Variants in OSMR observed in about 807,000 individuals in gnomAD.
OSMR encodes the protein oncostatin-M-specific receptor subunit beta.
OSMR carries 81 observed loss-of-function variants against 99.9 expected under a neutral mutation model. The ratio of observed to expected loss-of-function variants is 0.81; its 90% CI spans 0.68 to 0.97. OSMR has a LOEUF of 0.97. OSMR is among the 50% of genes least tolerant of loss of function. The pLI is 0.00. For synonymous variants in OSMR, 406 were observed against 410.4 expected (o/e 0.99, Z 0.13); for missense variants, 1,099 against 1,153.4 (o/e 0.95, Z 0.68).
chr5:38,893,725 A>G (rs1744307247), intron 7 of OSMR, among the ~76,000 whole-genome samples: 2 of 152,204 alleles, frequency 1.3e-5, no homozygotes, highest in Admixed American at 1.3e-4. Flanking sequence ...AGAGCAGGAG[A>G]AAAAGTAATC....
chr5:38,932,831 A>G, intron 17 of OSMR, 41 bp from the exon 18 acceptor site: 1 of 1,612,350 alleles, frequency 6.2e-7, no homozygotes. Context: ...GCATGCACAC[A>G]CACAAATGTC....
Position 38,923,183 on chromosome 5 carries a change from G to C in OSMR, c.1799G>C (p.Arg600Thr). 1.2e-6 allele frequency: 2 copies of C among 1,613,298 alleles called. No homozygotes were observed. The highest frequency in any genetic ancestry group is 1.7e-4 in the Middle Eastern group (1 of 6,060). Residue 600 changes from arginine to threonine, a missense_variant, in exon 13 of 18, where the codon AGA (arginine) becomes ACA (threonine). Transcript: ENST00000274276. ...AFRPGVRYDF[R>T]IYGLSTKRIA... ...AGGCCAGGAGTTCGATATGACTTCA[G>C]AATTTATGGGTTATCTACAAAAAGG...
chr5:38,893,800 A>G (rs962126086), intron 7 of OSMR, among the ~76,000 whole-genome samples: 5 of 152,198 alleles, frequency 3.3e-5, no homozygotes, highest in Admixed American at 6.5e-5. Context: ...AGAGAGGTAG[A>G]CACCCAGATA....
chr5:38,865,803 T>C (rs940234668), intron 1 of OSMR, among the ~76,000 whole-genome samples: 1 of 152,186 alleles, frequency 6.6e-6, no homozygotes, highest in Non-Finnish European at 1.5e-5. Flanking sequence ...CTTCTGGCCC[T>C]TGGGCAGCAT....
At chr5:38,937,568 G>T (rs1446576919), downstream of OSMR, among the ~76,000 whole-genome samples, 5 of 151,976 alleles carry the variant, frequency 3.3e-5, no homozygotes, top group African/African-American at 1.2e-4. The surrounding 1 kb of genome is among the most constrained non-coding windows in gnomAD (Gnocchi z 4.0). Context: ...CCAATATCAG[G>T]GCAGTTTATG....
intron 1 of OSMR, among the ~76,000 whole-genome samples, chr5:38,861,540 C>G (rs1017396340): frequency 2.6e-5 from 4 of 152,232 alleles, no homozygotes; most frequent in African/African-American, 9.6e-5. Flanking sequence ...ACACCGCAAC[C>G]ATCCGATTTC....
chr5:38,880,835 TA>T (rs765033561), intron 3 of OSMR, among the ~76,000 whole-genome samples: 1 of 152,172 alleles, frequency 6.6e-6, no homozygotes, highest in Non-Finnish European at 1.5e-5. Flanking sequence ...CCTGTGGAAT[TA>T]GAGAATGGAA....
At chr5:38,912,067 A>G (rs997245316) in intron 9 of OSMR, among the ~76,000 whole-genome samples, 2 of 152,142 alleles carry the variant, frequency 1.3e-5, no homozygotes, top group African/African-American at 2.4e-5. Context: ...AGCCAGAGCA[A>G]TCAGACAAGA....
At chr5:38,936,506 C>G (rs1162677343), downstream of OSMR, among the ~76,000 whole-genome samples, 1 of 152,150 alleles carries the variant, frequency 6.6e-6, no homozygotes, top group Non-Finnish European at 1.5e-5. Flanking sequence ...GTTGGGACCT[C>G]TTCACACAAC....
intron 1 of OSMR, chr5:38,942,919 C>T: frequency 6.2e-7 from 1 of 1,607,194 alleles, no homozygotes; most frequent in African/African-American, 1.3e-5. Flanking sequence ...AAATGGGAAA[C>T]CTCAGAGTAA....
chr5:38,933,552 G>T lies in OSMR; in HGVS notation c.*108G>T. ...TCCTTAATCCCAGTACGATTTGCAG[G>T]TCTGGTTTATATAAGACCACTACAG... On this transcript the variant is annotated 3_prime_UTR_variant, in exon 18 of 18. Coordinates refer to ENST00000274276, the MANE Select transcript of OSMR (RefSeq NM_003999.3). 7.9e-7 allele frequency: 1 copy of T among 1,273,748 alleles called. No individual in the cohort carries two copies. The highest frequency in any genetic ancestry group is 1.1e-6 in the Non-Finnish European group (1 of 888,292). The allele number at this position is 1,273,748 out of a possible 1,614,324, so 78.9% of individuals were successfully genotyped here. A position where few individuals can be genotyped will look rare whatever the true frequency, so the allele number is the denominator to read the frequency against.
At chr5:38,889,851 A>AT (rs998555789) in intron 7 of OSMR, among the ~76,000 whole-genome samples, 3 of 151,800 alleles carry the variant, frequency 2.0e-5, no homozygotes, top group African/African-American at 2.4e-5. Flanking sequence ...ACTTTCTTGG[A>AT]TTTTTTTCTG....
At chr5:38,926,062 C>T (rs1827355) in intron 15 of OSMR, among the ~76,000 whole-genome samples, 5,576 of 152,154 alleles carry the variant, frequency 0.037, 296 homozygotes, top group East Asian at 0.27. Context: ...TCATGGCAAA[C>T]CCTGACAACC....
chr5:38,853,654 GT>G (rs1188548679), intron 1 of OSMR, among the ~76,000 whole-genome samples: 2 of 152,140 alleles, frequency 1.3e-5, no homozygotes, highest in Admixed American at 1.3e-4. Context: ...TTGGATTCCA[GT>G]TTTTCATTTT....
chr5:38,906,821 A>C (rs60510837), intron 9 of OSMR, among the ~76,000 whole-genome samples: 1,721 of 152,306 alleles, frequency 0.011, 41 homozygotes, highest in African/African-American at 0.038. Context: ...TTCTTCTTTC[A>C]AAGAAATGTT....
chr5:38,890,853 T>C (rs1744111705), intron 7 of OSMR, among the ~76,000 whole-genome samples: 1 of 152,138 alleles, frequency 6.6e-6, no homozygotes, highest in Non-Finnish European at 1.5e-5. Flanking sequence ...GGACGTTGAA[T>C]GATTCTTAAG....
At chr5:38,932,121 A>G (rs1021670394) in intron 16 of OSMR, among the ~76,000 whole-genome samples, 157 bp downstream of exon 16, 3 of 152,218 alleles carry the variant, frequency 2.0e-5, no homozygotes, top group Non-Finnish European at 4.4e-5. Flanking sequence ...TTTATTTCAC[A>G]ATTTTGTTTT....
At chr5:38,885,926 TG>T in intron 6 of OSMR, 112 bp from the exon 7 acceptor site, 9 of 1,502,488 alleles carry the variant, frequency 6.0e-6, no homozygotes, top group Admixed American at 2.4e-5. Flanking sequence ...AATGCCATTA[TG>T]GGGAACATAG....
chr5:38,908,339 C>A (rs996191551), intron 9 of OSMR, among the ~76,000 whole-genome samples: 2 of 152,170 alleles, frequency 1.3e-5, no homozygotes, highest in African/African-American at 4.8e-5. Flanking sequence ...TGCCTGCATC[C>A]CCCCACCAGG....
Sources: allele counts gnomAD v4.1 joint callset (sites outside exome capture counted in the v4.1 genomes callset), GRCh38; gene constraint gnomAD v4.1.1; non-coding constraint Gnocchi (gnomAD v3.1); transcripts MANE v1.5; gene names NCBI Gene and HGNC (gene_info 2026-07-23, HGNC 2026-07-21).